The following MCC variants were observed in gnomAD, a reference collection of about 807,000 sequenced individuals.
MCC encodes the protein MCC regulator of Wnt signaling pathway, also known as colorectal mutant cancer protein.
A neutral mutation model predicts 116.2 loss-of-function variants in MCC; 90 were observed. The ratio of observed to expected loss-of-function variants is 0.77; its 90% confidence interval spans 0.65 to 0.92. MCC has a LOEUF of 0.92. MCC is among the 40% of genes least tolerant of loss of function. The pLI, the probability that MCC is intolerant of heterozygous loss-of-function variation, is 0.00. For missense variants in MCC, 1,516 were observed against 1,312.2 expected, an observed-to-expected ratio of 1.16 and a Z score of -2.40; for synonymous variants, 578 against 510.5, an observed-to-expected ratio of 1.13 and a Z score of -1.78.
chr5:113,402,120 C>T (rs1769705456), intron 1 of MCC, among the ~76,000 whole-genome samples: 1 of 151,894 alleles, frequency 6.6e-6, no homozygotes, highest in Non-Finnish European at 1.5e-5. Context: ...CGGTGGAATC[C>T]CGTCTCTACT....
chr5:113,039,359 C>G (rs575490595), intron 17 of MCC, among the ~76,000 whole-genome samples: 115 of 152,290 alleles, frequency 7.6e-4, no homozygotes, highest in African/African-American at 2.1e-3. Context: ...CACTCAGATC[C>G]TTACCTTTTT....
rs1293459516 is a variant in MCC at position 113,024,560 on chromosome 5, G to C, written c.*2742C>G. 1 of 152,172 alleles carries C rather than the reference G, an allele frequency of 6.6e-6. No homozygotes were observed. The highest frequency in any genetic ancestry group is 1.5e-5 in the Non-Finnish European group (1 of 68,028). 9.4% of individuals were successfully genotyped at this position (152,172 alleles called of 1,614,324 possible). A position where few individuals can be genotyped will look rare whatever the true frequency, so the allele number is the denominator to read the frequency against. ...ACAGAGATGGTTACTGACTAAAAGG[G>C]GGTAACCACTGAGGAAACTAGGGAG... is the stretch of plus-strand genomic sequence containing the variant. On this transcript the variant is annotated 3_prime_UTR_variant, in exon 19 of 19. Transcript: ENST00000408903.
intron 7 of MCC, among the ~76,000 whole-genome samples, chr5:113,102,413 TAA>T (rs1756478897): frequency 6.6e-6 from 1 of 152,208 alleles, no homozygotes; most frequent in South Asian, 2.1e-4. Context: ...AACTCAGCGA[TAA>T]GATAGGTCAC....
chr5:113,218,590 C>T (rs1046044429), intron 3 of MCC, among the ~76,000 whole-genome samples: 11 of 152,066 alleles, frequency 7.2e-5, no homozygotes, highest in African/African-American at 2.2e-4. Context: ...CACCAAAGTA[C>T]GGGTGTATTT....
intron 3 of MCC, among the ~76,000 whole-genome samples, chr5:113,272,937 T>C (rs1160658514): frequency 6.6e-6 from 1 of 152,190 alleles, no homozygotes; most frequent in African/African-American, 2.4e-5. Context: ...CGTAATAATG[T>C]TGACTAAATA....
intron 1 of MCC, among the ~76,000 whole-genome samples, chr5:113,470,542 G>A (rs188602448): frequency 0.032 from 4,866 of 152,162 alleles, 108 homozygotes; most frequent in East Asian, 0.075. Context: ...AGTTTCTGCC[G>A]AGAGATCAGC....
chr5:113,167,850 G>C (rs951950530), intron 3 of MCC, among the ~76,000 whole-genome samples: 1 of 152,076 alleles, frequency 6.6e-6, no homozygotes. Flanking sequence ...GACTGGTCCT[G>C]AACTCCTAGG....
At chr5:113,359,161 T>C (rs569516775) in intron 2 of MCC, among the ~76,000 whole-genome samples, 32 of 152,294 alleles carry the variant, frequency 2.1e-4, no homozygotes, top group African/African-American at 7.7e-4. Flanking sequence ...CATATATATG[T>C]TACACATATC....
At chr5:113,482,807 A>G (rs1157093775) in intron 1 of MCC, among the ~76,000 whole-genome samples, 1 of 152,182 alleles carries the variant, frequency 6.6e-6, no homozygotes, top group Non-Finnish European at 1.5e-5. Flanking sequence ...TTGGTGTCAC[A>G]TATAAGAATC....
intron 16 of MCC, among the ~76,000 whole-genome samples, 182 bp from the exon 17 acceptor site, chr5:113,043,812 C>T (rs1162291133): frequency 6.6e-6 from 1 of 152,280 alleles, no homozygotes; most frequent in African/African-American, 2.4e-5. Flanking sequence ...CCTCTGCTCC[C>T]AGACCGCTGG....
intron 1 of MCC, among the ~76,000 whole-genome samples, chr5:113,441,014 C>T (rs960456279): frequency 5.3e-5 from 8 of 152,138 alleles, no homozygotes; most frequent in African/African-American, 1.7e-4. Context: ...GATAAATAAA[C>T]AGAAAAGACA....
chr5:113,398,769 C>T (rs1035563796), intron 1 of MCC, among the ~76,000 whole-genome samples: 3 of 152,224 alleles, frequency 2.0e-5, no homozygotes, highest in East Asian at 1.9e-4. Flanking sequence ...TATCCCAAAA[C>T]TCAGCATCAC....
chr5:113,405,697 C>A (rs892042165), intron 1 of MCC, among the ~76,000 whole-genome samples: 2 of 151,866 alleles, frequency 1.3e-5, no homozygotes, highest in South Asian at 4.1e-4. Context: ...GTCCTAGCTA[C>A]TTAGAAAGCT....
In MCC at chr5:113,412,814, T is replaced by G. The variant is rs145855073; in HGVS notation, c.171-27602A>C. ...CCAGAATTTCAAACACTATGTTGAA[T>G]AGGAGTGGTGAGAGAGGACAACACA... On this transcript the variant is annotated intron_variant, in intron 1 of 18. Transcript: ENST00000408903. Among the ~76,000 whole-genome samples the G allele has an allele frequency of 6.0e-4, 92 of 152,300 alleles. No homozygotes were observed. The East Asian group carries it at 0.014, about 23-fold the overall frequency.
intron 3 of MCC, among the ~76,000 whole-genome samples, chr5:113,302,886 A>G (rs543403497): frequency 1.5e-4 from 23 of 152,334 alleles, no homozygotes; most frequent in Admixed American, 3.9e-4. Context: ...GTTAAAGGCT[A>G]TTGCAGTGGT....
At chr5:113,409,002 G>C (rs1308353769) in intron 1 of MCC, among the ~76,000 whole-genome samples, 1 of 152,180 alleles carries the variant, frequency 6.6e-6, no homozygotes, top group South Asian at 2.1e-4. Flanking sequence ...AAGCAGCTTA[G>C]GACGTGGATC....
intron 1 of MCC, among the ~76,000 whole-genome samples, chr5:113,386,754 C>CATATATAT (rs10673164): frequency 0.046 from 6,490 of 140,970 alleles, 209 homozygotes; most frequent in African/African-American, 0.085. Context: ...ATATGTATAT[C>CATATATAT]ATATATATAT....
chr5:113,213,680 G>A (rs1763211274), intron 3 of MCC, among the ~76,000 whole-genome samples: 1 of 152,128 alleles, frequency 6.6e-6, no homozygotes, highest in Non-Finnish European at 1.5e-5. Context: ...TGAGAGTGGT[G>A]GGCACAGTAG....
At chr5:113,113,651 CAAAA>C (rs11405354) in intron 6 of MCC, among the ~76,000 whole-genome samples, 9 of 108,376 alleles carry the variant, frequency 8.3e-5, no homozygotes, top group East Asian at 2.7e-4. Context: ...TATGTTCTTG[CAAAA>C]AAAAAAAAAA....
Sources: gnomAD v4.1 joint callset for allele counts (sites outside exome capture counted in the v4.1 genomes callset) on GRCh38, gnomAD v4.1.1 for gene constraint, MANE v1.5 for transcripts, NCBI Gene and HGNC (gene_info 2026-07-23, HGNC 2026-07-21) for gene names.